The following TRPS1 variants were observed in gnomAD, a reference collection of about 807,000 sequenced individuals.
The protein encoded by TRPS1 is transcriptional repressor GATA binding 1.
In TRPS1, 6 loss-of-function variants were observed where a neutral mutation model predicts 101.2. The observed-to-expected ratio is 0.06, with a 90% CI of 0.03 to 0.12. TRPS1 has a LOEUF of 0.12. Ranked by LOEUF, TRPS1 falls within the 10% of genes least tolerant of loss-of-function variation. TRPS1 has a pLI of 1.00. For missense variants in TRPS1, 1,363 were observed against 1,567.0 expected, an observed-to-expected ratio of 0.87 and a Z score of 2.20; for synonymous variants, 578 against 589.8, an observed-to-expected ratio of 0.98 and a Z score of 0.29.
chr8:115,665,384 G>T (rs765891448), intron 1 of TRPS1, among the ~76,000 whole-genome samples: 1 of 152,122 alleles, frequency 6.6e-6, no homozygotes, highest in Non-Finnish European at 1.5e-5. Context: ...TCTAATAATA[G>T]TAGTGATAAT....
chr8:115,601,692 A>T (rs1817911123), intron 4 of TRPS1, among the ~76,000 whole-genome samples: 1 of 152,358 alleles, frequency 6.6e-6, no homozygotes, highest in Admixed American at 6.5e-5. Flanking sequence ...ATGAACAGAC[A>T]ACTGTCATTT....
intron 5 of TRPS1, among the ~76,000 whole-genome samples, chr8:115,470,119 CTTCTCTTTGATGCAT>C (rs2130010976): frequency 6.6e-6 from 1 of 152,314 alleles, no homozygotes; most frequent in East Asian, 1.9e-4. Flanking sequence ...TTCCTAAGCA[CTTCTCTTTGATGCAT>C]TTGCCTTTTT....
intron 5 of TRPS1, among the ~76,000 whole-genome samples, chr8:115,543,254 G>C (rs1358719292): frequency 6.6e-6 from 1 of 152,194 alleles, no homozygotes; most frequent in Non-Finnish European, 1.5e-5. Flanking sequence ...GGACCTCAGT[G>C]TACCACATAG....
intron 5 of TRPS1, among the ~76,000 whole-genome samples, chr8:115,496,065 C>T (rs1017037839): frequency 6.6e-6 from 1 of 152,096 alleles, no homozygotes; most frequent in Non-Finnish European, 1.5e-5. Flanking sequence ...AAAAAATAAA[C>T]GTGTAGCTAC....
At chr8:115,576,918 C>A (rs1177703634) in intron 5 of TRPS1, among the ~76,000 whole-genome samples, 4 of 152,126 alleles carry the variant, frequency 2.6e-5, no homozygotes, top group Non-Finnish European at 2.9e-5. Context: ...TCCATCCAGA[C>A]AATTTACACT....
In TRPS1 at chr8:115,418,473, C is replaced by T. The variant is rs1199618029; in HGVS notation, c.2701-21G>A. 1 of 1,613,882 alleles carries T rather than the reference C, an allele frequency of 6.2e-7. No homozygotes were observed. The highest frequency in any genetic ancestry group is 1.3e-5 in the African/African-American group (1 of 74,906). On this transcript the variant is annotated intron_variant, in intron 5 of 6. Transcript: ENST00000395715. This position sits in a 1 kb window ranked among gnomAD's most constrained non-coding sequence, Gnocchi z 4.3. ...CGCCTCTGAAACAGGGGAAAAAAAC[C>T]AAGGTCAGAGGTGAGTCACATGATC...
intron 1 of TRPS1, among the ~76,000 whole-genome samples, chr8:115,637,878 G>A (rs913570784): frequency 6.6e-6 from 1 of 152,170 alleles, no homozygotes; most frequent in East Asian, 1.9e-4. Flanking sequence ...TTGACTGCCT[G>A]ACTGTACTTA....
intron 1 of TRPS1, among the ~76,000 whole-genome samples, chr8:115,634,588 T>C (rs1461742925): frequency 1.3e-5 from 2 of 152,128 alleles, no homozygotes; most frequent in Admixed American, 6.6e-5. Context: ...TGGTATCTGG[T>C]GGTATTATCA....
chr8:115,580,710 G>A (rs1332343103), intron 5 of TRPS1, among the ~76,000 whole-genome samples: 1 of 152,084 alleles, frequency 6.6e-6, no homozygotes, highest in Non-Finnish European at 1.5e-5. Context: ...TAGAAACCTG[G>A]GCCAGCAGAA....
chr8:115,438,018 AT>A (rs373369726), intron 5 of TRPS1, among the ~76,000 whole-genome samples: 17 of 152,178 alleles, frequency 1.1e-4, no homozygotes, highest in South Asian at 6.2e-4. Context: ...AAAACATGGC[AT>A]TTTTTTTCTA....
intron 1 of TRPS1, among the ~76,000 whole-genome samples, chr8:115,645,374 G>A (rs1022412470): frequency 1.3e-5 from 2 of 152,128 alleles, no homozygotes; most frequent in African/African-American, 4.8e-5. Flanking sequence ...GGTGATCTCA[G>A]TAATAACAAA....
intron 5 of TRPS1, among the ~76,000 whole-genome samples, chr8:115,421,767 C>A (rs1007901460): frequency 6.6e-6 from 1 of 152,122 alleles, no homozygotes; most frequent in South Asian, 2.1e-4. Context: ...CACTACAGAA[C>A]CACATCTTTC....
chr8:115,466,859 G>A (rs1264861730), intron 5 of TRPS1, among the ~76,000 whole-genome samples: 2 of 151,380 alleles, frequency 1.3e-5, no homozygotes, highest in African/African-American at 2.4e-5. Context: ...TTTCCTTTTT[G>A]TAATGGTAGT....
chr8:115,520,478 AT>A (rs1815831169), intron 5 of TRPS1, among the ~76,000 whole-genome samples: 1 of 151,790 alleles, frequency 6.6e-6, no homozygotes, highest in African/African-American at 2.4e-5. Context: ...AGTCAAACTT[AT>A]TGTTTATGTA....
At chr8:115,521,531 A>G (rs1905376) in intron 5 of TRPS1, among the ~76,000 whole-genome samples, 84,808 of 151,674 alleles carry the variant, frequency 0.56, 24,333 homozygotes, top group East Asian at 0.84. Flanking sequence ...ATCTCTCACT[A>G]TAACTTTCAG....
At chr8:115,562,876 C>CTGTGTGTGTGTGTG (rs10588354) in intron 5 of TRPS1, among the ~76,000 whole-genome samples, 42 of 132,678 alleles carry the variant, frequency 3.2e-4, no homozygotes, top group East Asian at 1.4e-3. Flanking sequence ...CCCACAGTGT[C>CTGTGTGTGTGTGTG]TGTGTGTGTG....
At chr8:115,463,012 A>T (rs948429887) in intron 5 of TRPS1, among the ~76,000 whole-genome samples, 3 of 152,204 alleles carry the variant, frequency 2.0e-5, no homozygotes, top group Non-Finnish European at 4.4e-5. Flanking sequence ...CTCATCTGTA[A>T]ACTAAGGGCA....
chr8:115,610,897 A>C (rs1031656366), intron 3 of TRPS1, among the ~76,000 whole-genome samples: 4 of 152,120 alleles, frequency 2.6e-5, no homozygotes, highest in Non-Finnish European at 5.9e-5. Flanking sequence ...CGGGCGGATC[A>C]CCTGAGATCA....
chr8:115,453,638 T>C lies in TRPS1; in HGVS notation c.2701-35186A>G, dbSNP rs570793092. 9.2e-5 allele frequency among the ~76,000 whole-genome samples: 14 copies of C among 151,608 alleles called. No homozygotes were observed. In the South Asian group the frequency reaches 2.9e-3, roughly 31 times the overall value. On this transcript the variant is annotated intron_variant, in intron 5 of 6. Coordinates refer to ENST00000395715, the MANE Select transcript of TRPS1 (RefSeq NM_014112.5). ...ACATCCTGGGAAAGCCACTTAAATC[T>C]ATCAGCAATAACTACTAGAGAAACT...
Sources: allele counts gnomAD v4.1 joint callset (sites outside exome capture counted in the v4.1 genomes callset), GRCh38; gene constraint gnomAD v4.1.1; non-coding constraint Gnocchi (gnomAD v3.1); transcripts MANE v1.5; gene names NCBI Gene and HGNC (gene_info 2026-07-23, HGNC 2026-07-21).